Variants in TSPAN33 observed in about 807,000 individuals in gnomAD.
TSPAN33 encodes tetraspanin 33, also known as tetraspanin-33.
Under a neutral mutation model 34.8 loss-of-function variants are expected in TSPAN33, and 27 were observed. The ratio of observed to expected loss-of-function variants is 0.78; its 90% CI spans 0.57 to 1.07. TSPAN33 has a LOEUF of 1.07. Among genes scored for constraint, TSPAN33 ranks in the 50% least tolerant of loss-of-function variants. TSPAN33 has a pLI of 0.00. For synonymous variants in TSPAN33, 119 were observed against 124.2 expected (o/e 0.96, Z 0.28); for missense variants, 272 against 324.9 (o/e 0.84, Z 1.25).
intron 4 of TSPAN33, among the ~76,000 whole-genome samples, chr7:129,164,112 A>G (rs1793099578): frequency 6.6e-6 from 1 of 152,208 alleles, no homozygotes; most frequent in African/African-American, 2.4e-5. Context: ...TGTCCACTAG[A>G]GGGCAGTGCC....
chr7:129,155,366 A>G (rs1002152013), intron 1 of TSPAN33, among the ~76,000 whole-genome samples: 2 of 152,224 alleles, frequency 1.3e-5, no homozygotes, highest in African/African-American at 4.8e-5. Flanking sequence ...TAACAACAAT[A>G]TATTGTATTT....
chr7:129,154,099 A>G lies in TSPAN33; in HGVS notation c.103-7580A>G, dbSNP rs185210628. Among the ~76,000 whole-genome samples the G allele has an allele frequency of 3.5e-4, 53 of 151,802 alleles. 1 individual carries two copies. Among genetic ancestry groups the G allele is most frequent in the East Asian group, 1.8e-3 (9 of 5,106 alleles). On this transcript the variant is annotated intron_variant, in intron 1 of 7. Coordinates refer to ENST00000486685, the MANE Select transcript of TSPAN33 (RefSeq NM_178562.5). The stretch of plus-strand genomic sequence containing the variant: ...GTAATCCCAGCACTTTGGGAGACCA[A>G]TGAGGTAGGATCACCATATGCCAGG...
At chr7:129,157,066 C>T (rs778897963) in intron 1 of TSPAN33, among the ~76,000 whole-genome samples, 1 of 152,190 alleles carries the variant, frequency 6.6e-6, no homozygotes, top group South Asian at 2.1e-4. Context: ...TTATCTCCAT[C>T]CTCATCGTGA....
intron 1 of TSPAN33, among the ~76,000 whole-genome samples, chr7:129,149,326 G>A (rs186838742): frequency 3.9e-4 from 59 of 152,280 alleles, no homozygotes; most frequent in African/African-American, 1.4e-3. Flanking sequence ...GGGAGGCCGG[G>A]GCAGGTGGAT....
chr7:129,162,440 C>G lies in TSPAN33; in HGVS notation c.207C>G (p.Ile69Met), dbSNP rs1261109873. The G allele has an allele frequency of 1.2e-6, 2 of 1,613,790 alleles. No homozygotes were observed. ...CLAVDPAILL[I>M]VVGVLMFLLT... ...CAGTGGACCCTGCCATCCTGCTGAT[C>G]GTGGTGGGTGTCCTCATGTTCCTGC... The change falls in exon 3 of 8, where the codon ATC becomes ATG. Residue 69 changes from isoleucine to methionine, a missense_variant. Coordinates refer to ENST00000486685, the MANE Select transcript of TSPAN33 (RefSeq NM_178562.5).
At position 129,166,863 on chromosome 7, in the gene TSPAN33, G is replaced by A. The variant is rs763967849; in HGVS notation, c.545G>A (p.Arg182His). The A allele has an allele frequency of 9.3e-6, 15 of 1,613,972 alleles. No individual in the cohort carries two copies. The highest frequency in any genetic ancestry group is 3.3e-5 in the Admixed American group (2 of 59,996). The stretch of plus-strand genomic sequence containing the variant: ...TCAGAAGACAACCCCAGTCGAGAGC[G>A]CTGCTCTGTGCCTTACTCCTGTTGC... ...NCSEDNPSRE[R>H]CSVPYSCCLP... is the part of the protein sequence containing the mutation. Residue 182 changes from arginine to histidine, a missense_variant, in exon 6 of 8, where the codon CGC becomes CAC. Arg to His is a conservative substitution (Grantham distance 29, BLOSUM62 0). Coordinates refer to ENST00000486685, the MANE Select transcript of TSPAN33 (RefSeq NM_178562.5).
chr7:129,152,757 G>C (rs1810613556), intron 1 of TSPAN33, among the ~76,000 whole-genome samples: 1 of 151,978 alleles, frequency 6.6e-6, no homozygotes. Flanking sequence ...GATGAATCTT[G>C]AAAACATTCT....
intron 1 of TSPAN33, among the ~76,000 whole-genome samples, chr7:129,161,196 G>A (rs567296225): frequency 3.5e-4 from 54 of 152,306 alleles, no homozygotes; most frequent in African/African-American, 1.3e-3. Flanking sequence ...GCCTCAGCCT[G>A]CTGAGTAGCT....
intron 2 of TSPAN33, 132 bp downstream of exon 2, chr7:129,161,868 G>T: frequency 9.2e-7 from 1 of 1,081,972 alleles, no homozygotes; most frequent in Non-Finnish European, 1.4e-6. Context: ...AATCTTCATG[G>T]TCTACGTAGG....
In TSPAN33 at chr7:129,167,419, T is replaced by C; in HGVS notation, c.609T>C (p.Cys203=). ...CCCAGGCAGTGATCAACACTATGTGTGGCCAAGGTATGCAGGCCTTTGACT... is the reference window on the plus strand; with the variant it reads ...CCCAGGCAGTGATCAACACTATGTGCGGCCAAGGTATGCAGGCCTTTGACT... ...TPDQAVINTM[C]GQGMQAFDYL... is the part of the protein sequence containing the mutation. The change falls in exon 7 of 8, where the codon TGT becomes TGC. Residue 203 remains cysteine, a synonymous_variant. Coordinates refer to ENST00000486685, the MANE Select transcript of TSPAN33 (RefSeq NM_178562.5). This position sits in a 1 kb window ranked among gnomAD's most constrained non-coding sequence, Gnocchi z 4.6. 6.2e-7 allele frequency: 1 copy of C among 1,614,034 alleles called. No homozygotes were observed. The highest frequency in any genetic ancestry group is 1.1e-5 in the South Asian group (1 of 91,070).
chr7:129,163,787 G>A (rs1232932228), intron 4 of TSPAN33, among the ~76,000 whole-genome samples: 3 of 152,098 alleles, frequency 2.0e-5, no homozygotes, highest in South Asian at 2.1e-4. Flanking sequence ...CCAACATGGC[G>A]AATCCCTGTC....
chr7:129,155,648 C>A (rs1810655216), intron 1 of TSPAN33, among the ~76,000 whole-genome samples: 1 of 39,236 alleles, frequency 2.5e-5, no homozygotes, highest in African/African-American at 9.8e-5. Context: ...ATGGTCTACA[C>A]TTTATTGGTT....
In TSPAN33 at chr7:129,166,862, C is replaced by T. The variant is rs762907793; in HGVS notation, c.544C>T (p.Arg182Cys). The stretch of plus-strand genomic sequence containing the variant: ...CTCAGAAGACAACCCCAGTCGAGAG[C>T]GCTGCTCTGTGCCTTACTCCTGTTG... ...NCSEDNPSRE[R>C]CSVPYSCCLP... The change falls in exon 6 of 8, where the codon CGC (arginine) becomes TGC (cysteine). Residue 182 changes from arginine (R) to cysteine (C), a missense_variant. Transcript: ENST00000486685. The T allele has an allele frequency of 1.4e-4, 226 of 1,614,136 alleles. 2 individuals carry two copies. The South Asian group carries it at 2.4e-3, about 17-fold the overall frequency.
intron 5 of TSPAN33, 71 bp downstream of exon 5, chr7:129,164,640 C>G (rs540574473): frequency 7.1e-7 from 1 of 1,408,344 alleles, no homozygotes; most frequent in African/African-American, 1.4e-5. Context: ...GCCTCACCCT[C>G]TATGCCTGTG....
Position 129,169,649 on chromosome 7 carries a change from T to A in TSPAN33, c.*1775T>A, listed in dbSNP as rs1232815486. ...CCCTGGCCAGTGTTTAGCTCCCAAC[T>A]AGTAACAGACGGAAAGAAAAAATAA... On this transcript the variant is annotated 3_prime_UTR_variant, in exon 8 of 8. Transcript: ENST00000486685. The A allele has an allele frequency of 1.3e-5, 2 of 152,186 alleles. No homozygotes were observed. Among genetic ancestry groups the A allele is most frequent in the East Asian group, 3.8e-4 (2 of 5,196 alleles). The allele number at this position is 152,186 out of a possible 1,614,324, so 9.4% of individuals were successfully genotyped here.
At position 129,167,808 on chromosome 7, in the gene TSPAN33, T is replaced by A; in HGVS notation, c.786T>A (p.Asn262Lys). Residue 262 changes from asparagine to lysine, a missense_variant, in exon 8 of 8, where the codon AAT becomes AAA. Transcript: ENST00000486685. The surrounding 1 kb of genome is among the most constrained non-coding windows in gnomAD (Gnocchi z 4.6). Reference protein sequence around the residue: ...VGILLSQILVNQIKDQIKLQL... With the variant: ...VGILLSQILVKQIKDQIKLQL... ...TTCTGCTGTCCCAGATCCTAGTGAA[T>A]CAGATCAAAGATCAGATCAAGCTAC... 6.2e-7 allele frequency: 1 copy of A among 1,614,142 alleles called. No homozygotes were observed. The highest frequency in any genetic ancestry group is 8.5e-7 in the Non-Finnish European group (1 of 1,180,022).
Position 129,162,504 on chromosome 7 carries a change from A to C in TSPAN33, c.271A>C (p.Ile91Leu), listed in dbSNP as rs1011195100. Residue 91 changes from isoleucine (I) to leucine (L), a missense_variant, in exon 3 of 8, where the codon ATC (isoleucine) becomes CTC (leucine). Coordinates refer to ENST00000486685, the MANE Select transcript of TSPAN33 (RefSeq NM_178562.5). ...CGCIGSLRENICLLQTFSLCL... is the reference protein window; with the variant it reads ...CGCIGSLRENLCLLQTFSLCL... ...CTGCATTGGGTCCCTCCGCGAGAACATCTGCCTCCTGCAGACGGTGAGTGG... is the reference window on the plus strand; with the variant it reads ...CTGCATTGGGTCCCTCCGCGAGAACCTCTGCCTCCTGCAGACGGTGAGTGG... 3 of 1,613,262 alleles carry C rather than the reference A, an allele frequency of 1.9e-6. No individual in the cohort carries two copies. Among genetic ancestry groups the C allele is most frequent in the African/African-American group, 1.3e-5 (1 of 74,910 alleles).
chr7:129,164,401 C>T (rs1793104776), intron 4 of TSPAN33, 73 bp from the exon 5 acceptor site: 34 of 1,289,744 alleles, frequency 2.6e-5, no homozygotes, highest in Non-Finnish European at 3.8e-5. Context: ...TCCCTGTCTA[C>T]TGTTATTTTT....
At chr7:129,145,471 G>A (rs1178978213) in intron 1 of TSPAN33, among the ~76,000 whole-genome samples, 2 of 152,016 alleles carry the variant, frequency 1.3e-5, no homozygotes, top group African/African-American at 4.8e-5. Flanking sequence ...AGAAGAGGAA[G>A]GAAAAACCCA....
Sources: gnomAD v4.1 joint callset for allele counts (sites outside exome capture counted in the v4.1 genomes callset) on GRCh38, gnomAD v4.1.1 for gene constraint, Gnocchi (gnomAD v3.1) non-coding constraint, MANE v1.5 for transcripts, NCBI Gene and HGNC (gene_info 2026-07-23, HGNC 2026-07-21) for gene names.